MCC: variants seen among roughly 807,000 people sequenced by gnomAD.
The protein encoded by MCC is colorectal mutant cancer protein.
MCC carries 90 observed loss-of-function variants against 116.2 expected under a neutral mutation model. That is an observed-to-expected ratio of 0.77 (90% confidence interval 0.65 to 0.92). MCC has a LOEUF of 0.92. Ranked by LOEUF, MCC falls within the 40% of genes least tolerant of loss-of-function variation. The pLI is 0.00. For missense variants in MCC, 1,516 were observed against 1,312.2 expected, an observed-to-expected ratio of 1.16 and a Z score of -2.40; for synonymous variants, 578 against 510.5, an observed-to-expected ratio of 1.13 and a Z score of -1.78.
Position 113,205,011 on chromosome 5 carries a change from A to C in MCC, c.628-53589T>G, listed in dbSNP as rs1160145442. Among the ~76,000 whole-genome samples the C allele has an allele frequency of 3.3e-5, 5 of 152,316 alleles. No individual in the cohort carries two copies. In the East Asian group the frequency reaches 9.6e-4, roughly 29 times the overall value. ...GAGTTTGGGGCTATGGACTGGTTTT[A>C]TAGCCAAAGCCACAGATAATTCCAT... On this transcript the variant is annotated intron_variant, in intron 3 of 18. Transcript: ENST00000408903.
chr5:113,459,701 C>T (rs930474254), intron 1 of MCC, among the ~76,000 whole-genome samples: 3 of 152,088 alleles, frequency 2.0e-5, no homozygotes, highest in Admixed American at 1.3e-4. Flanking sequence ...TCGCTGCTCG[C>T]CCATTCTACC....
intron 11 of MCC, among the ~76,000 whole-genome samples, chr5:113,075,823 C>T (rs1291576470): frequency 6.6e-5 from 10 of 152,256 alleles, no homozygotes; most frequent in South Asian, 4.2e-4. Context: ...TCTTTGGGTC[C>T]GCGCCACCTT....
intron 3 of MCC, among the ~76,000 whole-genome samples, chr5:113,189,206 T>G (rs1762037979): frequency 6.6e-6 from 1 of 152,156 alleles, no homozygotes; most frequent in Non-Finnish European, 1.5e-5. Flanking sequence ...CTACATGTCC[T>G]CTTTGGAAGA....
intron 17 of MCC, among the ~76,000 whole-genome samples, chr5:113,038,694 G>T (rs180750507): frequency 1.3e-5 from 2 of 152,094 alleles, no homozygotes; most frequent in East Asian, 3.9e-4. Context: ...AGGTGTGATC[G>T]ATCACACTGA....
intron 3 of MCC, among the ~76,000 whole-genome samples, chr5:113,298,642 C>G (rs1766770599): frequency 6.6e-6 from 1 of 152,070 alleles, no homozygotes; most frequent in Non-Finnish European, 1.5e-5. Context: ...AAAAGGGGAG[C>G]AGGTGTCAAG....
chr5:113,078,750 A>C lies in MCC; in HGVS notation c.1784+4110T>G, dbSNP rs576580030. Among the ~76,000 whole-genome samples, 192 of 152,354 alleles carry C rather than the reference A, an allele frequency of 1.3e-3. 1 individual carries two copies. Among genetic ancestry groups the C allele is most frequent in the African/African-American group, 4.4e-3 (184 of 41,584 alleles). Reference sequence around the variant, plus strand: ...AGCATTCCCTTTGAAAACTGGCACAAGACAGGGATGCCCTCTCTCACCACT... The same window carrying C: ...AGCATTCCCTTTGAAAACTGGCACACGACAGGGATGCCCTCTCTCACCACT... On this transcript the variant is annotated intron_variant, in intron 11 of 18. Coordinates refer to ENST00000408903, the MANE Select transcript of MCC (RefSeq NM_001085377.2).
chr5:113,119,769 C>T (rs1175000131), intron 6 of MCC, among the ~76,000 whole-genome samples: 1 of 152,148 alleles, frequency 6.6e-6, no homozygotes, highest in Non-Finnish European at 1.5e-5. Context: ...AGGTCACTCC[C>T]CTCCAGGAAC....
intron 3 of MCC, among the ~76,000 whole-genome samples, chr5:113,277,228 C>T (rs188844151): frequency 1.3e-5 from 2 of 151,624 alleles, no homozygotes; most frequent in Admixed American, 6.6e-5. Flanking sequence ...AACAGCCAGA[C>T]ATCATGGCGG....
At chr5:113,043,057 G>A (rs1434461179) in intron 17 of MCC, among the ~76,000 whole-genome samples, 2 of 152,164 alleles carry the variant, frequency 1.3e-5, no homozygotes, top group Non-Finnish European at 2.9e-5. Context: ...GTTTCTCCTT[G>A]CAGGAGGAGA....
chr5:113,123,616 G>A (rs1671851593), intron 5 of MCC, among the ~76,000 whole-genome samples: 1 of 152,182 alleles, frequency 6.6e-6, no homozygotes, highest in South Asian at 2.1e-4. Context: ...TTAGCAAGCT[G>A]AGAAACTTAG....
chr5:113,312,034 C>A (rs569318490), intron 3 of MCC, among the ~76,000 whole-genome samples: 1 of 151,754 alleles, frequency 6.6e-6, no homozygotes, highest in Non-Finnish European at 1.5e-5. Context: ...TGAAACCGGG[C>A]GGCAGAGTTT....
chr5:113,185,726 A>AGGAAAG (rs1761866888), intron 3 of MCC, among the ~76,000 whole-genome samples: 1 of 152,228 alleles, frequency 6.6e-6, no homozygotes, highest in Admixed American at 6.5e-5. Context: ...AAAAATAATT[A>AGGAAAG]CAAGTGTAGG....
intron 4 of MCC, among the ~76,000 whole-genome samples, chr5:113,147,721 C>A (rs1382082836): frequency 6.6e-6 from 1 of 152,082 alleles, no homozygotes; most frequent in Non-Finnish European, 1.5e-5. Flanking sequence ...AACAAAGAGG[C>A]ACCAGCACAA....
intron 3 of MCC, among the ~76,000 whole-genome samples, chr5:113,314,661 T>A (rs1197603394): frequency 6.6e-6 from 1 of 152,118 alleles, no homozygotes; most frequent in Non-Finnish European, 1.5e-5. Flanking sequence ...GATCTCGGCC[T>A]ACTGCAACCT....
At chr5:113,275,980 T>C (rs556589657) in intron 3 of MCC, among the ~76,000 whole-genome samples, 4 of 150,984 alleles carry the variant, frequency 2.6e-5, no homozygotes, top group Non-Finnish European at 4.4e-5. Flanking sequence ...GTTTTTTTTT[T>C]TTTTTTTTTA....
chr5:113,418,293 AAAAG>A (rs1053074823), intron 1 of MCC, among the ~76,000 whole-genome samples: 23 of 152,014 alleles, frequency 1.5e-4, no homozygotes, highest in Non-Finnish European at 2.6e-4. Flanking sequence ...ATAAAAATAA[AAAAG>A]AAAGAAAAGA....
intron 1 of MCC, among the ~76,000 whole-genome samples, chr5:113,447,873 A>C (rs888845231): frequency 6.6e-5 from 10 of 152,032 alleles, no homozygotes; most frequent in African/African-American, 2.4e-4. Flanking sequence ...TTTTGAGACA[A>C]AGGTCCAGCT....
intron 3 of MCC, among the ~76,000 whole-genome samples, chr5:113,289,045 GT>G (rs1327449683): frequency 6.6e-6 from 1 of 152,088 alleles, no homozygotes; most frequent in African/African-American, 2.4e-5. Flanking sequence ...AGAAGTCAGG[GT>G]TTTAAGGTAG....
intron 3 of MCC, among the ~76,000 whole-genome samples, chr5:113,181,714 C>A (rs1227003882): frequency 6.6e-6 from 1 of 152,106 alleles, no homozygotes; most frequent in African/African-American, 2.4e-5. Flanking sequence ...AAACCTCAAA[C>A]CAAAATGAAG....
Sources: gnomAD v4.1 joint callset for allele counts (sites outside exome capture counted in the v4.1 genomes callset) on GRCh38, gnomAD v4.1.1 for gene constraint, MANE v1.5 for transcripts, NCBI Gene and HGNC (gene_info 2026-07-23, HGNC 2026-07-21) for gene names.